BMPR1A: variants seen among roughly 807,000 people sequenced by gnomAD.
The protein encoded by BMPR1A is bone morphogenetic protein receptor type-1A.
In BMPR1A, 7 loss-of-function variants were observed where a neutral mutation model predicts 66.0. The ratio of observed to expected loss-of-function variants is 0.11; its 90% CI spans 0.06 to 0.20. The LOEUF is 0.20. BMPR1A is among the 10% of genes least tolerant of loss of function. BMPR1A has a pLI of 1.00. For synonymous variants in BMPR1A, 200 were observed against 229.7 expected, an observed-to-expected ratio of 0.87 and a Z score of 1.17; for missense variants, 408 against 669.1, an observed-to-expected ratio of 0.61 and a Z score of 4.31.
Position 86,876,111 on chromosome 10 carries a change from G to A in BMPR1A, c.67+26G>A, listed in dbSNP as rs747777878. The A allele has an allele frequency of 6.4e-6, 10 of 1,572,578 alleles. No homozygotes were observed. The Admixed American group carries it at 1.0e-4, about 16-fold the overall frequency. On this transcript the variant is annotated intron_variant, in intron 3 of 12. Transcript: ENST00000372037. ...GTAAATCAGTGTTCATTTTAGTAAT[G>A]TATGTGTGTATATAAAAAGCACTAT...
intron 1 of BMPR1A, among the ~76,000 whole-genome samples, chr10:86,811,306 T>C (rs1394343991): frequency 1.3e-5 from 2 of 152,246 alleles, no homozygotes; most frequent in Non-Finnish European, 2.9e-5. Flanking sequence ...CCCAAAGTGC[T>C]GGGATTACAG....
At chr10:86,884,320 A>C (rs1843035986) in intron 3 of BMPR1A, among the ~76,000 whole-genome samples, 1 of 150,354 alleles carries the variant, frequency 6.7e-6, no homozygotes, top group African/African-American at 2.4e-5. Flanking sequence ...TCCTGAGCTC[A>C]AGCATCCTAC....
chr10:86,871,436 A>G (rs1292416202), intron 2 of BMPR1A, among the ~76,000 whole-genome samples: 2 of 152,228 alleles, frequency 1.3e-5, no homozygotes, highest in Non-Finnish European at 2.9e-5. Context: ...CACTTAATAA[A>G]CATTTAGGGA....
intron 1 of BMPR1A, among the ~76,000 whole-genome samples, chr10:86,789,045 A>C (rs1841560462): frequency 6.6e-6 from 1 of 152,234 alleles, no homozygotes; most frequent in Admixed American, 6.5e-5. Context: ...TGTCAGGACA[A>C]TTCTAAGACA....
chr10:86,757,721 T>A (rs1847900229), intron 1 of BMPR1A, among the ~76,000 whole-genome samples: 1 of 152,240 alleles, frequency 6.6e-6, no homozygotes, highest in Non-Finnish European at 1.5e-5. Flanking sequence ...ACTTGGCACC[T>A]GTGTTACGTC....
chr10:86,881,191 A>G (rs1424772201), intron 3 of BMPR1A, among the ~76,000 whole-genome samples: 1 of 152,184 alleles, frequency 6.6e-6, no homozygotes, highest in African/African-American at 2.4e-5. Flanking sequence ...CAGTGAACCA[A>G]TGATGACGCC....
chr10:86,912,175 A>C, intron 7 of BMPR1A, 65 bp from the exon 8 acceptor site: 1 of 1,561,836 alleles, frequency 6.4e-7, no homozygotes, highest in Non-Finnish European at 8.8e-7. Flanking sequence ...GAGAACCTCA[A>C]GGTTTTTCTT....
chr10:86,819,117 C>T (rs962191617), intron 1 of BMPR1A, among the ~76,000 whole-genome samples: 1 of 152,002 alleles, frequency 6.6e-6, no homozygotes, highest in Non-Finnish European at 1.5e-5. Context: ...TTCTTATTTC[C>T]GTGACTGTAT....
intron 1 of BMPR1A, among the ~76,000 whole-genome samples, chr10:86,826,481 T>A (rs1395752603): frequency 6.6e-6 from 1 of 151,718 alleles, no homozygotes; most frequent in Non-Finnish European, 1.5e-5. Context: ...TCCTTTACTT[T>A]AGGATAAGCC....
intron 1 of BMPR1A, among the ~76,000 whole-genome samples, chr10:86,772,503 A>G (rs376167794): frequency 1.3e-5 from 2 of 152,268 alleles, no homozygotes; most frequent in Admixed American, 6.5e-5. Flanking sequence ...AGGTGCTTGC[A>G]TAACATAATT....
At chr10:86,923,008 C>T (rs190972179) in intron 11 of BMPR1A, among the ~76,000 whole-genome samples, 190 of 152,342 alleles carry the variant, frequency 1.2e-3, no homozygotes, top group African/African-American at 4.4e-3. Flanking sequence ...AGTCTTTCTA[C>T]TGCAGAGCAA....
At chr10:86,898,601 C>T (rs950083663) in intron 5 of BMPR1A, among the ~76,000 whole-genome samples, 1 of 152,194 alleles carries the variant, frequency 6.6e-6, no homozygotes, top group Non-Finnish European at 1.5e-5. Flanking sequence ...GTTCGTTTTT[C>T]TCCTTATCAT....
chr10:86,793,039 C>T (rs1007384449), intron 1 of BMPR1A, among the ~76,000 whole-genome samples: 7 of 151,912 alleles, frequency 4.6e-5, no homozygotes, highest in Admixed American at 4.6e-4. Flanking sequence ...AGTCTTCTGC[C>T]TTAATGCAGT....
Position 86,781,504 on chromosome 10 carries a change from C to T in BMPR1A, c.-268+24585C>T, listed in dbSNP as rs76305384. ...TTTGCTCAGGGTTGCTTTGGTTATT[C>T]GGGGGCTTTTGTGGTTCTGTACAAA... On this transcript the variant is annotated intron_variant, in intron 1 of 12. Transcript: ENST00000372037. Among the ~76,000 whole-genome samples the T allele has an allele frequency of 2.8e-3, 426 of 152,110 alleles. 4 individuals carry two copies. The highest frequency in any genetic ancestry group is 0.014 in the Middle Eastern group (4 of 294).
chr10:86,893,847 A>G (rs923338787), intron 5 of BMPR1A, among the ~76,000 whole-genome samples: 3 of 152,126 alleles, frequency 2.0e-5, no homozygotes, highest in Admixed American at 2.0e-4. Context: ...TTATGTTTCA[A>G]CCTCTCAGCT....
chr10:86,899,689 C>T (rs1843277583), intron 5 of BMPR1A, 105 bp from the exon 6 acceptor site: 5 of 1,155,358 alleles, frequency 4.3e-6, no homozygotes, highest in African/African-American at 3.1e-5. Flanking sequence ...AATTTGCAGG[C>T]CCCTTTCACT....
chr10:86,859,683 G>A (rs1242478448), intron 2 of BMPR1A, among the ~76,000 whole-genome samples: 3 of 152,152 alleles, frequency 2.0e-5, no homozygotes, highest in South Asian at 4.2e-4. Context: ...GCTGGCATGC[G>A]CCTGTAGTCC....
intron 1 of BMPR1A, among the ~76,000 whole-genome samples, chr10:86,766,047 G>C (rs1311270000): frequency 7.0e-6 from 1 of 142,148 alleles, no homozygotes; most frequent in Non-Finnish European, 1.5e-5. Context: ...GTGGTGCTGT[G>C]GTGCAAACAG....
intron 2 of BMPR1A, among the ~76,000 whole-genome samples, chr10:86,864,544 A>G (rs879576584): frequency 7.9e-5 from 12 of 152,206 alleles, no homozygotes; most frequent in Non-Finnish European, 1.6e-4. Context: ...CTCACTGCTG[A>G]AAAAGGAGGA....
Sources: allele counts gnomAD v4.1 joint callset (sites outside exome capture counted in the v4.1 genomes callset), GRCh38; gene constraint gnomAD v4.1.1; transcripts MANE v1.5; gene names NCBI Gene and HGNC (gene_info 2026-07-23, HGNC 2026-07-21).